PAK5: variants seen among roughly 807,000 people sequenced by gnomAD.
PAK5 encodes serine/threonine-protein kinase PAK 5.
PAK5 carries 16 observed loss-of-function variants against 65.9 expected under a neutral mutation model. The observed-to-expected ratio is 0.24, with a 90% CI of 0.16 to 0.37. PAK5 has a LOEUF of 0.37. Among genes scored for constraint, PAK5 ranks in the 10% least tolerant of loss-of-function variants. The pLI is 1.00. For missense variants in PAK5, 785 were observed against 903.9 expected (o/e 0.87, Z 1.69); for synonymous variants, 371 against 354.9 (o/e 1.05, Z -0.51).
intron 1 of PAK5, among the ~76,000 whole-genome samples, chr20:9,731,608 T>C (rs1216135674): frequency 2.0e-5 from 3 of 152,170 alleles, no homozygotes; most frequent in African/African-American, 7.2e-5. Context: ...ATATAACAGA[T>C]TAATAAAATT....
intron 3 of PAK5, among the ~76,000 whole-genome samples, chr20:9,622,721 T>G (rs1186457773): frequency 6.6e-6 from 1 of 152,148 alleles, no homozygotes; most frequent in African/African-American, 2.4e-5. Context: ...GGGATCTAGG[T>G]TGTGTGCTCC....
At chr20:9,827,263 A>G (rs1296287230) in intron 1 of PAK5, among the ~76,000 whole-genome samples, 1 of 152,238 alleles carries the variant, frequency 6.6e-6, no homozygotes, top group Admixed American at 6.5e-5. Context: ...GAGTTGCTGT[A>G]TACCACAGCA....
chr20:9,754,466 C>T (rs939262189), intron 1 of PAK5, among the ~76,000 whole-genome samples: 4 of 152,022 alleles, frequency 2.6e-5, no homozygotes, highest in African/African-American at 2.4e-5. Flanking sequence ...AAGTAATTTA[C>T]TGATTTGGGT....
intron 2 of PAK5, among the ~76,000 whole-genome samples, chr20:9,661,193 A>G (rs1365228999): frequency 6.6e-6 from 1 of 152,102 alleles, no homozygotes; most frequent in African/African-American, 2.4e-5. Context: ...TTCAGTTTTG[A>G]TGTAATTAAG....
chr20:9,639,615 G>A (rs1002610516), intron 3 of PAK5, among the ~76,000 whole-genome samples: 2 of 152,172 alleles, frequency 1.3e-5, no homozygotes, highest in Admixed American at 1.3e-4. Flanking sequence ...GTATCTTCCA[G>A]TCATCACCCA....
rs570159239 is a variant in PAK5 at position 9,721,088 on chromosome 20, GTTAA to G, written c.-161-9657_-161-9654del. On this transcript the variant is annotated intron_variant, in intron 1 of 9. Coordinates refer to ENST00000353224, the MANE Select transcript of PAK5 (RefSeq NM_177990.4). Reference sequence around the variant, plus strand: ...TCACTAAGTTGTTCATTTTAAACGAGTTAATTGTTTCATAAATTTTATCTCGATA... The same window carrying G: ...TCACTAAGTTGTTCATTTTAAACGAGTTGTTTCATAAATTTTATCTCGATA... 1.0e-3 allele frequency among the ~76,000 whole-genome samples: 155 copies of G among 152,204 alleles called. 1 individual carries two copies. Among genetic ancestry groups the G allele is most frequent in the African/African-American group, 3.5e-3 (145 of 41,520 alleles).
chr20:9,698,277 G>A (rs916425893), intron 2 of PAK5, among the ~76,000 whole-genome samples: 1 of 152,038 alleles, frequency 6.6e-6, no homozygotes, highest in Non-Finnish European at 1.5e-5. Flanking sequence ...CTCTTAAGTA[G>A]TTCAGGGTGG....
At chr20:9,561,155 A>C (rs1415461926) in intron 6 of PAK5, among the ~76,000 whole-genome samples, 1 of 152,196 alleles carries the variant, frequency 6.6e-6, no homozygotes, top group African/African-American at 2.4e-5. Context: ...CTCTGGAGTT[A>C]CTGGGTCTTT....
At chr20:9,592,042 T>A (rs11696945) in intron 3 of PAK5, among the ~76,000 whole-genome samples, 16,028 of 152,072 alleles carry the variant, frequency 0.11, 1,013 homozygotes, top group East Asian at 0.27. Flanking sequence ...AAGAAAAGAG[T>A]ATGCCTTATG....
chr20:9,672,567 A>AT (rs2047514543), intron 2 of PAK5, among the ~76,000 whole-genome samples: 1 of 152,030 alleles, frequency 6.6e-6, no homozygotes, highest in South Asian at 2.1e-4. Flanking sequence ...GCCATGTAAG[A>AT]TGTAACTTTG....
At chr20:9,768,510 C>T (rs945271415) in intron 1 of PAK5, among the ~76,000 whole-genome samples, 17 of 152,118 alleles carry the variant, frequency 1.1e-4, no homozygotes, top group Admixed American at 7.2e-4. Context: ...GGGCCAGGCG[C>T]GGTGGCTCAC....
chr20:9,819,364 G>T (rs2049393349), intron 1 of PAK5, among the ~76,000 whole-genome samples: 1 of 152,134 alleles, frequency 6.6e-6, no homozygotes, highest in Non-Finnish European at 1.5e-5. Flanking sequence ...AGAGGATAGG[G>T]CTAAAGAGTC....
chr20:9,832,032 A>C (rs1978759719), intron 1 of PAK5, among the ~76,000 whole-genome samples: 1 of 152,050 alleles, frequency 6.6e-6, no homozygotes, highest in South Asian at 2.1e-4. Context: ...TCATTATATA[A>C]TCTTCAAAAT....
intron 9 of PAK5, among the ~76,000 whole-genome samples, chr20:9,540,269 C>A (rs988391735): frequency 1.4e-4 from 21 of 152,110 alleles, no homozygotes; most frequent in African/African-American, 5.1e-4. Flanking sequence ...AAGAGTGTGG[C>A]TCAATGGATT....
At chr20:9,815,777 T>C (rs1007713040) in intron 1 of PAK5, among the ~76,000 whole-genome samples, 6 of 152,136 alleles carry the variant, frequency 3.9e-5, no homozygotes, top group African/African-American at 1.4e-4. Flanking sequence ...CCCACCAACC[T>C]ACTCAGGGGA....
intron 6 of PAK5, among the ~76,000 whole-genome samples, chr20:9,560,212 C>T (rs948355857): frequency 6.6e-6 from 1 of 152,160 alleles, no homozygotes; most frequent in African/African-American, 2.4e-5. Context: ...ATTAGCATGG[C>T]CAGCTGGAGA....
intron 1 of PAK5, among the ~76,000 whole-genome samples, chr20:9,736,166 T>C (rs2048387370): frequency 6.6e-6 from 1 of 151,852 alleles, no homozygotes; most frequent in Non-Finnish European, 1.5e-5. Context: ...ATCCCAAAAC[T>C]CTGGGATTAC....
At chr20:9,771,378 T>G (rs1045058635) in intron 1 of PAK5, among the ~76,000 whole-genome samples, 1 of 151,862 alleles carries the variant, frequency 6.6e-6, no homozygotes, top group Non-Finnish European at 1.5e-5. Flanking sequence ...TATAGCGGAG[T>G]GTCAAGAAAG....
chr20:9,780,878 C>G (rs2048933956), intron 1 of PAK5, among the ~76,000 whole-genome samples: 1 of 152,096 alleles, frequency 6.6e-6, no homozygotes, highest in Non-Finnish European at 1.5e-5. Context: ...ATTTTATCCT[C>G]TCATATATCA....
Sources: gnomAD v4.1 joint callset for allele counts (sites outside exome capture counted in the v4.1 genomes callset) on GRCh38, gnomAD v4.1.1 for gene constraint, MANE v1.5 for transcripts, NCBI Gene and HGNC (gene_info 2026-07-23, HGNC 2026-07-21) for gene names.